Variants in POLR2B observed in about 807,000 individuals in gnomAD.
The protein encoded by POLR2B is RNA polymerase II subunit B.
In POLR2B, 57 loss-of-function variants were observed where a neutral mutation model predicts 144.6. That is an observed-to-expected ratio of 0.39 (90% CI 0.32 to 0.49). The LOEUF (loss-of-function observed/expected upper bound fraction) is 0.49, where lower values mean the gene tolerates loss of function less well. POLR2B is among the 20% of genes least tolerant of loss of function. The pLI is 0.83. For synonymous variants in POLR2B, 442 were observed against 469.8 expected, an observed-to-expected ratio of 0.94 and a Z score of 0.77; for missense variants, 595 against 1,467.4, an observed-to-expected ratio of 0.41 and a Z score of 9.71.
intron 1 of POLR2B, among the ~76,000 whole-genome samples, chr4:56,979,928 C>T (rs956995880): frequency 1.3e-5 from 2 of 151,188 alleles, no homozygotes; most frequent in African/African-American, 4.9e-5. Flanking sequence ...TTAGTTGAGT[C>T]TAGTGTATTT....
At chr4:57,002,460 A>G (rs946910909) in intron 7 of POLR2B, among the ~76,000 whole-genome samples, 2 of 152,204 alleles carry the variant, frequency 1.3e-5, no homozygotes, top group African/African-American at 4.8e-5. Flanking sequence ...TGAGTCAAGC[A>G]TTCACTTCAT....
At chr4:56,984,442 A>G (rs1312803563) in intron 1 of POLR2B, among the ~76,000 whole-genome samples, 1 of 152,052 alleles carries the variant, frequency 6.6e-6, no homozygotes, top group African/African-American at 2.4e-5. Flanking sequence ...TCTATAATGT[A>G]GACTCTTCAT....
intron 14 of POLR2B, among the ~76,000 whole-genome samples, chr4:57,015,951 GT>G (rs1723352792): frequency 6.6e-6 from 1 of 152,034 alleles, no homozygotes; most frequent in Non-Finnish European, 1.5e-5. Context: ...TAGAGACAGG[GT>G]TTCGCCATGT....
Position 57,024,034 on chromosome 4 carries a change from C to G in POLR2B, c.2886C>G (p.Thr962=), listed in dbSNP as rs746365373. 4 of 1,609,156 alleles carry G rather than the reference C, an allele frequency of 2.5e-6. No homozygotes were observed. Among genetic ancestry groups the G allele is most frequent in the Non-Finnish European group, 3.4e-6 (4 of 1,176,662 alleles). ...TGCCTTTCACCTGTGAAGGTATCAC[C>G]CCTGATATCATCATCAATCCCCATG... The part of the protein sequence containing the change: ...EDMPFTCEGI[T]PDIIINPHAI... The change falls in exon 21 of 25, where the codon ACC becomes ACG. Residue 962 remains threonine (T), a synonymous_variant. Transcript: ENST00000314595.
At position 56,995,313 on chromosome 4, in the gene POLR2B, T is replaced by A; in HGVS notation, c.639T>A (p.Ser213=). The change falls in exon 6 of 25, where the codon TCT becomes TCA. Residue 213 remains serine (S), a synonymous_variant. Coordinates refer to ENST00000314595, the MANE Select transcript of POLR2B (RefSeq NM_000938.3). ...TTTATGTGTTTGCCAAAAAGGATTC[T>A]AAATATGCCTACACAGGAGAGTGTA... is the stretch of plus-strand genomic sequence containing the variant. ...NTVYVFAKKD[S]KYAYTGECRS... is the part of the protein sequence containing the mutation. 1 of 1,612,560 alleles carries A rather than the reference T, an allele frequency of 6.2e-7. No individual in the cohort carries two copies. The highest frequency in any genetic ancestry group is 8.5e-7 in the Non-Finnish European group (1 of 1,178,570).
chr4:57,010,812 CA>C lies in POLR2B; in HGVS notation c.1614del (p.Ser539LeufsTer7). ...GCGTATATTTCAGTTGGATCTCAAC[CA>C]TCTCCAATTCTGGAATTTTTAGAAG... ...LMAYISVGSQ[P>X]SPILEFLEEW... On this transcript the variant is annotated frameshift_variant, in exon 12 of 25. Transcript: ENST00000314595. LOFTEE classifies it high-confidence loss of function. 1 of 1,606,846 alleles carries C rather than the reference CA, an allele frequency of 6.2e-7. No individual in the cohort carries two copies. Among genetic ancestry groups the C allele is most frequent in the Non-Finnish European group, 8.5e-7 (1 of 1,174,502 alleles).
chr4:56,996,982 C>A (rs997484528), intron 6 of POLR2B, among the ~76,000 whole-genome samples: 1 of 152,056 alleles, frequency 6.6e-6, no homozygotes, highest in Non-Finnish European at 1.5e-5. Flanking sequence ...ACCTGTAGTC[C>A]CGGTTACTCG....
intron 18 of POLR2B, 22 bp downstream of exon 18, chr4:57,022,268 A>G (rs1469897125): frequency 2.1e-6 from 3 of 1,452,932 alleles, no homozygotes; most frequent in Non-Finnish European, 2.9e-6. Context: ...TAACATTTAA[A>G]TGATGGAATC....
chr4:56,982,763 A>C (rs1236762588), intron 1 of POLR2B, among the ~76,000 whole-genome samples: 1 of 152,120 alleles, frequency 6.6e-6, no homozygotes, highest in African/African-American at 2.4e-5. Flanking sequence ...AGGGTATATA[A>C]CAGTGCCATT....
chr4:57,016,033 A>G (rs951508780), intron 14 of POLR2B, among the ~76,000 whole-genome samples: 25 of 152,324 alleles, frequency 1.6e-4, no homozygotes, highest in African/African-American at 5.8e-4. Flanking sequence ...TGCTGGGATT[A>G]CAGGCATGAG....
intron 14 of POLR2B, among the ~76,000 whole-genome samples, chr4:57,016,078 G>GTA (rs1363401457): frequency 6.6e-6 from 1 of 152,204 alleles, no homozygotes; most frequent in Non-Finnish European, 1.5e-5. Context: ...TTTTTAAAAA[G>GTA]TATACAATTA....
chr4:57,023,618 G>A lies in POLR2B; in HGVS notation c.2766+38G>A. On this transcript the variant is annotated intron_variant, in intron 19 of 24. Coordinates refer to ENST00000314595, the MANE Select transcript of POLR2B (RefSeq NM_000938.3). This position sits in a 1 kb window ranked among gnomAD's most constrained non-coding sequence, Gnocchi z 4.3. The stretch of plus-strand genomic sequence containing the variant: ...TTGTTCATGTAGCTAGTTTTAGAAA[G>A]TAAACCAAATCCACTTAACTAACTT... The A allele has an allele frequency of 1.2e-6, 2 of 1,611,690 alleles. No individual in the cohort carries two copies. Among genetic ancestry groups the A allele is most frequent in the East Asian group, 2.2e-5 (1 of 44,844 alleles).
chr4:56,989,846 G>A (rs1722459110), intron 2 of POLR2B, among the ~76,000 whole-genome samples: 1 of 152,140 alleles, frequency 6.6e-6, no homozygotes, highest in African/African-American at 2.4e-5. Flanking sequence ...AGATCCTCTT[G>A]CACGTGTATC....
intron 2 of POLR2B, among the ~76,000 whole-genome samples, chr4:56,988,158 G>T (rs1369298280): frequency 2.0e-5 from 3 of 152,074 alleles, no homozygotes; most frequent in Non-Finnish European, 4.4e-5. Context: ...TCTGTTTCTG[G>T]TGGCAGGGTT....
At chr4:57,011,329 C>T (rs538260042) in intron 13 of POLR2B, among the ~76,000 whole-genome samples, 90 of 151,200 alleles carry the variant, frequency 6.0e-4, no homozygotes, top group Non-Finnish European at 1.1e-3. Context: ...GGAGTTCAAG[C>T]GCAGCCTGGC....
chr4:57,021,993 A>G (rs551323746), intron 17 of POLR2B, among the ~76,000 whole-genome samples, 159 bp from the exon 18 acceptor site: 1 of 152,354 alleles, frequency 6.6e-6, no homozygotes, highest in African/African-American at 2.4e-5. Context: ...ATGTGATAAC[A>G]TTTAGAGTTT....
chr4:56,997,695 A>G (rs1273716272), intron 6 of POLR2B, among the ~76,000 whole-genome samples: 2 of 152,222 alleles, frequency 1.3e-5, no homozygotes, highest in Non-Finnish European at 2.9e-5. Context: ...AGATAGCTCT[A>G]ATTGAGCTGG....
chr4:57,000,707 G>T (rs910225687), intron 7 of POLR2B, among the ~76,000 whole-genome samples: 6 of 124,394 alleles, frequency 4.8e-5, no homozygotes, highest in East Asian at 3.9e-4. Context: ...TGTTTTTTTT[G>T]GGGGGGAGGA....
chr4:57,015,821 T>C lies in POLR2B; in HGVS notation c.1955+165T>C, dbSNP rs533609362. 1.6e-4 allele frequency among the ~76,000 whole-genome samples: 24 copies of C among 152,242 alleles called. No homozygotes were observed. The South Asian group carries it at 1.7e-3, about 11-fold the overall frequency. On this transcript the variant is annotated intron_variant, in intron 14 of 24. Transcript: ENST00000314595. Reference sequence around the variant, plus strand: ...TGTCGCCCATGCTGGAGTGCAGTGATGCGATCTTGGCTCACTAACCTCCAC... The same window carrying C: ...TGTCGCCCATGCTGGAGTGCAGTGACGCGATCTTGGCTCACTAACCTCCAC...
Sources: gnomAD v4.1 joint callset for allele counts (sites outside exome capture counted in the v4.1 genomes callset) on GRCh38, gnomAD v4.1.1 for gene constraint, Gnocchi (gnomAD v3.1) non-coding constraint, MANE v1.5 for transcripts, NCBI Gene and HGNC (gene_info 2026-07-23, HGNC 2026-07-21) for gene names.